IL1RL2: variants seen among roughly 807,000 people sequenced by gnomAD.
IL1RL2 encodes interleukin-1 receptor-like 2.
IL1RL2 carries 68 observed loss-of-function variants against 66.8 expected under a neutral mutation model. The ratio of observed to expected loss-of-function variants is 1.02; its 90% CI spans 0.84 to 1.25. IL1RL2 has a LOEUF of 1.25. Among genes scored for constraint, IL1RL2 ranks in the 50% most tolerant of loss-of-function variants. The pLI is 0.00. For synonymous variants in IL1RL2, 305 were observed against 264.6 expected (o/e 1.15, Z -1.48); for missense variants, 729 against 709.3 (o/e 1.03, Z -0.32).
chr2:102,196,096 C>T (rs965977573), intron 4 of IL1RL2, among the ~76,000 whole-genome samples: 12 of 152,012 alleles, frequency 7.9e-5, no homozygotes, highest in Admixed American at 6.6e-4. Flanking sequence ...TGAAATGTTG[C>T]CTTGGCTATT....
At chr2:102,236,791 C>A (rs1410492959) in intron 11 of IL1RL2, among the ~76,000 whole-genome samples, 2 of 152,116 alleles carry the variant, frequency 1.3e-5, no homozygotes, top group Admixed American at 6.6e-5. Flanking sequence ...ACATAAAATA[C>A]ATTTTAAGAA....
intron 11 of IL1RL2, chr2:102,236,064 G>A (rs1674853475): frequency 3.7e-6 from 2 of 538,822 alleles, no homozygotes; most frequent in East Asian, 1.5e-4. Flanking sequence ...GTCCAAGCAA[G>A]GCAAAGTCAG....
chr2:102,215,662 T>A (rs1171529274), intron 6 of IL1RL2, among the ~76,000 whole-genome samples: 1 of 152,046 alleles, frequency 6.6e-6, no homozygotes, highest in East Asian at 1.9e-4. Context: ...ACCCTTGGCC[T>A]GAGAACCAAC....
In IL1RL2 at chr2:102,191,910, C is replaced by T. The variant is rs758203030; in HGVS notation, c.294-15C>T. ...TTGTTTTAAAGAGTTTATGAGGTCT[C>T]AATCTGTCTTACAGGGGTAGAGACA... On this transcript the variant is annotated splice_polypyrimidine_tract_variant and intron_variant, in intron 3 of 11. Coordinates refer to ENST00000264257, the MANE Select transcript of IL1RL2 (RefSeq NM_003854.4). The T allele has an allele frequency of 1.5e-5, 23 of 1,543,108 alleles. No homozygotes were observed. Among genetic ancestry groups the T allele is most frequent in the Non-Finnish European group, 2.0e-5 (23 of 1,136,408 alleles).
At chr2:102,195,631 C>CTTTCTTTCTTTCCTTCTT (rs1559530311) in intron 4 of IL1RL2, among the ~76,000 whole-genome samples, 1 of 24,402 alleles carries the variant, frequency 4.1e-5, no homozygotes, top group African/African-American at 9.7e-5. Flanking sequence ...CTTTCTTTCT[C>CTTTCTTTCTTTCCTTCTT]TCTCTCTCTC....
chr2:102,204,890 T>G (rs1688573685), intron 5 of IL1RL2, among the ~76,000 whole-genome samples: 1 of 144,772 alleles, frequency 6.9e-6, no homozygotes, highest in Admixed American at 6.9e-5. Context: ...CCTGTCATTT[T>G]GTTATTTGTT....
At chr2:102,202,193 C>T (rs1688318685) in intron 5 of IL1RL2, among the ~76,000 whole-genome samples, 1 of 152,046 alleles carries the variant, frequency 6.6e-6, no homozygotes, top group African/African-American at 2.4e-5. Flanking sequence ...GTTCTCAGCC[C>T]AGAGCAGCCA....
rs367688415 is a variant in IL1RL2, at chr2:102,201,548, T to C, written c.490-8T>C. 12 of 1,612,468 alleles carry C rather than the reference T, an allele frequency of 7.4e-6. No homozygotes were observed. In the African/African-American group the frequency reaches 9.4e-5, roughly 13 times the overall value. On this transcript the variant is annotated splice_polypyrimidine_tract_variant and splice_region_variant and intron_variant, in intron 4 of 11. Coordinates refer to ENST00000264257, the MANE Select transcript of IL1RL2 (RefSeq NM_003854.4). Reference sequence around the variant, plus strand: ...CATTGAATTGAATTTTGTTTTTATTTGTATTAGGACTGTAACGAGATTAAA... The same window carrying C: ...CATTGAATTGAATTTTGTTTTTATTCGTATTAGGACTGTAACGAGATTAAA...
chr2:102,243,048 A>T (rs1288225175), downstream of IL1RL2, among the ~76,000 whole-genome samples: 1 of 152,246 alleles, frequency 6.6e-6, no homozygotes, highest in East Asian at 1.9e-4. Context: ...AAGGTGTCCC[A>T]GGCTCAAGCC....
intron 5 of IL1RL2, among the ~76,000 whole-genome samples, chr2:102,202,025 C>G (rs1371712601): frequency 6.6e-6 from 1 of 152,166 alleles, no homozygotes; most frequent in African/African-American, 2.4e-5. Context: ...AGTATCTAGA[C>G]AATAGTAGAT....
intron 9 of IL1RL2, among the ~76,000 whole-genome samples, chr2:102,231,900 A>G (rs370728741): frequency 6.6e-6 from 1 of 152,220 alleles, no homozygotes; most frequent in South Asian, 2.1e-4. Flanking sequence ...GCCTGAATCA[A>G]GAGGGAGTCA....
At chr2:102,242,546 G>C (rs150544539), downstream of IL1RL2, among the ~76,000 whole-genome samples, 15 of 152,288 alleles carry the variant, frequency 9.8e-5, no homozygotes, top group East Asian at 2.9e-3. Flanking sequence ...GAAGGCAGAA[G>C]ATGAGATGGT....
chr2:102,230,528 C>G (rs558278291), intron 9 of IL1RL2, among the ~76,000 whole-genome samples: 2 of 152,202 alleles, frequency 1.3e-5, no homozygotes, highest in African/African-American at 2.4e-5. Context: ...TTTGAGCCTC[C>G]GTAAAATCAA....
chr2:102,193,375 G>T (rs1380786537), intron 4 of IL1RL2, among the ~76,000 whole-genome samples: 1 of 152,154 alleles, frequency 6.6e-6, no homozygotes, highest in African/African-American at 2.4e-5. Flanking sequence ...ACAGAATTTT[G>T]TATCAGTTTA....
At chr2:102,211,783 CAA>C (rs1485905346) in intron 5 of IL1RL2, among the ~76,000 whole-genome samples, 1 of 152,152 alleles carries the variant, frequency 6.6e-6, no homozygotes, top group African/African-American at 2.4e-5. Context: ...CCACTGCCTG[CAA>C]AGTGTTTTTG....
chr2:102,242,329 G>A (rs927134495), downstream of IL1RL2, among the ~76,000 whole-genome samples: 2 of 152,064 alleles, frequency 1.3e-5, no homozygotes, highest in Admixed American at 6.5e-5. Context: ...TATGAATTGC[G>A]TTAGTCAGGG....
intron 5 of IL1RL2, among the ~76,000 whole-genome samples, chr2:102,205,207 A>T: frequency 6.6e-6 from 1 of 152,020 alleles, no homozygotes; most frequent in East Asian, 1.9e-4. Flanking sequence ...TATATCTTGT[A>T]CTCACTACAC....
intron 10 of IL1RL2, 146 bp from the exon 11 acceptor site, chr2:102,234,751 C>A: frequency 1.4e-6 from 1 of 699,440 alleles, no homozygotes; most frequent in Non-Finnish European, 2.4e-6. Flanking sequence ...TGCATCCCTG[C>A]ACTCCAACCT....
chr2:102,233,225 A>C (rs561523947), intron 10 of IL1RL2, 101 bp downstream of exon 10: 9 of 1,137,956 alleles, frequency 7.9e-6, no homozygotes, highest in African/African-American at 7.8e-5. Context: ...TGCCTTCCCC[A>C]TGGAACCACA....
Sources: allele counts gnomAD v4.1 joint callset (sites outside exome capture counted in the v4.1 genomes callset), GRCh38; gene constraint gnomAD v4.1.1; transcripts MANE v1.5; gene names NCBI Gene and HGNC (gene_info 2026-07-23, HGNC 2026-07-21).